Variants in MUCL3 observed in about 807,000 individuals in gnomAD.
The protein encoded by MUCL3 is mucin like 3, also known as mucin-like protein 3.
In MUCL3, 42 loss-of-function variants were observed where a neutral mutation model predicts 70.2. The ratio of observed to expected loss-of-function variants is 0.60; its 90% CI spans 0.47 to 0.77. The LOEUF is 0.77. Ranked by LOEUF, MUCL3 falls within the 30% of genes least tolerant of loss-of-function variation. MUCL3 has a pLI of 0.00. For synonymous variants in MUCL3, 522 were observed against 647.0 expected, an observed-to-expected ratio of 0.81 and a Z score of 2.93; for missense variants, 1,429 against 1,670.0, an observed-to-expected ratio of 0.86 and a Z score of 2.52.
chr6:30,944,486 T>A (rs902836722), intron 1 of MUCL3, among the ~76,000 whole-genome samples: 12 of 152,360 alleles, frequency 7.9e-5, no homozygotes, highest in South Asian at 6.2e-4. Context: ...TTCGCCATGT[T>A]GGCCAGGCTG....
chr6:30,951,292 C>T lies in MUCL3; in HGVS notation c.2828C>T (p.Thr943Ile). The T allele has an allele frequency of 6.4e-7, 1 of 1,550,892 alleles. No homozygotes were observed. The highest frequency in any genetic ancestry group is 1.2e-5 in the South Asian group (1 of 83,986). Residue 943 changes from threonine (T) to isoleucine (I), a missense_variant, in exon 2 of 3, where the codon ACA becomes ATA. Coordinates refer to ENST00000462446, the MANE Select transcript of MUCL3 (RefSeq NM_080870.4). ...ACCACACCATCCCGAGCAGAGCCTA[C>T]AGAACATGGAGAAAGGATAGCCAAT... ...EITTPSRAEP[T>I]EHGERIANEK...
intron 1 of MUCL3, among the ~76,000 whole-genome samples, chr6:30,942,516 G>A (rs1247187676): frequency 6.6e-6 from 1 of 152,206 alleles, no homozygotes; most frequent in East Asian, 1.9e-4. Flanking sequence ...GGTGGAGGCA[G>A]GGGCAGGTGG....
intron 1 of MUCL3, among the ~76,000 whole-genome samples, chr6:30,946,721 C>G (rs916667620): frequency 3.3e-5 from 5 of 152,296 alleles, no homozygotes; most frequent in African/African-American, 1.2e-4. Context: ...GACCTATTGG[C>G]TGTGCACTGT....
rs369773600 is a variant in MUCL3, at chr6:30,949,224, A to G, written c.760A>G (p.Thr254Ala). 1.2e-4 allele frequency: 191 copies of G among 1,550,878 alleles called. No individual in the cohort carries two copies. The African/African-American group carries it at 2.0e-3, about 16-fold the overall frequency. Residue 254 changes from threonine to alanine, a missense_variant, in exon 2 of 3, where the codon ACA becomes GCA. Coordinates refer to ENST00000462446, the MANE Select transcript of MUCL3 (RefSeq NM_080870.4). ...GTCAGAAAAAACTGAAGATTCCAGA[A>G]CAACAGTTGCCTCAGACAAGCTCCT... ...EESEKTEDSRTTVASDKLLTK... is the reference protein window; with the variant it reads ...EESEKTEDSRATVASDKLLTK...
In MUCL3 at chr6:30,950,705, A is replaced by C; in HGVS notation, c.2241A>C (p.Thr747=). 6.5e-7 allele frequency: 1 copy of C among 1,550,374 alleles called. No individual in the cohort carries two copies. The highest frequency in any genetic ancestry group is 1.2e-5 in the South Asian group (1 of 83,952). ...AGCCTACAGAAAATAGAGAAAGGAC[A>C]GCCAATGAGAACACCACACCATCCC... is the stretch of plus-strand genomic sequence containing the variant. ...PAEPTENRER[T]ANENTTPSPA... The change falls in exon 2 of 3, where the codon ACA becomes ACC. Residue 747 remains threonine (T), a synonymous_variant. Transcript: ENST00000462446.
At chr6:30,946,900 C>A (rs1456604420) in intron 1 of MUCL3, among the ~76,000 whole-genome samples, 1 of 152,178 alleles carries the variant, frequency 6.6e-6, no homozygotes, top group Non-Finnish European at 1.5e-5. Context: ...TCAACAGGTT[C>A]TTGTGAAAAG....
chr6:30,944,483 T>C (rs1055283455), intron 1 of MUCL3, among the ~76,000 whole-genome samples: 1 of 152,228 alleles, frequency 6.6e-6, no homozygotes, highest in African/African-American at 2.4e-5. Flanking sequence ...GGTTTCGCCA[T>C]GTTGGCCAGG....
At chr6:30,946,030 T>C (rs1287513568) in intron 1 of MUCL3, 1 of 152,222 alleles carries the variant, frequency 6.6e-6, no homozygotes, top group Non-Finnish European at 1.5e-5. Context: ...AAGTGATGAG[T>C]GCTGTGTTAT....
At chr6:30,941,810 C>T (rs1795591322) in intron 1 of MUCL3, among the ~76,000 whole-genome samples, 1 of 152,076 alleles carries the variant, frequency 6.6e-6, no homozygotes, top group South Asian at 2.1e-4. Context: ...AATAATATCC[C>T]ATCTTATAGT....
chr6:30,946,297 G>A lies in MUCL3; in HGVS notation c.83-2250G>A, dbSNP rs149211229. 5 of 152,304 alleles carry A rather than the reference G, an allele frequency of 3.3e-5. No individual in the cohort carries two copies. The East Asian group carries it at 7.7e-4, about 24-fold the overall frequency. 9.4% of individuals were successfully genotyped at this position (152,304 alleles called of 1,614,324 possible). A position where few individuals can be genotyped will look rare whatever the true frequency, so the allele number is the denominator to read the frequency against. On this transcript the variant is annotated intron_variant, in intron 1 of 2. Coordinates refer to ENST00000462446, the MANE Select transcript of MUCL3 (RefSeq NM_080870.4). ...CTTCCTTTAATCCTCACATTAAGCT[G>A]GTGCAGTCAGCATCATGGTTATTTA...
Position 30,947,424 on chromosome 6 carries a change from A to C in MUCL3, c.83-1123A>C, listed in dbSNP as rs543125782. On this transcript the variant is annotated intron_variant, in intron 1 of 2. Transcript: ENST00000462446. ...GGACTGTGGTTTCTTGTGATTGGGA[A>C]TAGGTCCAGGTTCCGGTTGCCGCCT... is the stretch of plus-strand genomic sequence containing the variant. Among the ~76,000 whole-genome samples the C allele has an allele frequency of 4.6e-5, 7 of 152,228 alleles. No homozygotes were observed. In the South Asian group the frequency reaches 1.0e-3, roughly 23 times the overall value.
At chr6:30,944,502 G>A (rs949465628) in intron 1 of MUCL3, among the ~76,000 whole-genome samples, 3 of 152,152 alleles carry the variant, frequency 2.0e-5, no homozygotes, top group Non-Finnish European at 2.9e-5. Context: ...GGCTGGTCTC[G>A]AACTCCTGAC....
Position 30,949,999 on chromosome 6 carries a change from C to A in MUCL3, c.1535C>A (p.Thr512Asn). The A allele has an allele frequency of 6.5e-7, 1 of 1,548,788 alleles. No homozygotes were observed. Among genetic ancestry groups the A allele is most frequent in the Non-Finnish European group, 8.7e-7 (1 of 1,146,504 alleles). ...GQRTPFANEK[T>N]TSSSAEPTEH... ...AGGACCCCATTTGCCAATGAGAAAA[C>A]CACATCATCCTCAGCAGAGCCTACA... The change falls in exon 2 of 3, where the codon ACC becomes AAC. Residue 512 changes from threonine to asparagine, a missense_variant. By Grantham distance (65) the Thr-to-Asn change is moderately conservative. Transcript: ENST00000462446.
In MUCL3 at chr6:30,951,226, C is replaced by A. The variant is rs1415282328; in HGVS notation, c.2762C>A (p.Pro921His). 2 of 1,552,006 alleles carry A rather than the reference C, an allele frequency of 1.3e-6. No individual in the cohort carries two copies. The highest frequency in any genetic ancestry group is 1.7e-6 in the Non-Finnish European group (2 of 1,147,060). Reference sequence around the variant, plus strand: ...AAGACCACACCATCCTCAGCAGAGCCTACAGAACATGGAGAAAGGACCCCA... The same window carrying A: ...AAGACCACACCATCCTCAGCAGAGCATACAGAACATGGAGAAAGGACCCCA... ...NEKTTPSSAE[P>H]TEHGERTPLA... The change falls in exon 2 of 3, where the codon CCT becomes CAT. Residue 921 changes from proline (P) to histidine (H), a missense_variant. By Grantham distance (77) the Pro-to-His change is moderately conservative (BLOSUM62 -2). Coordinates refer to ENST00000462446, the MANE Select transcript of MUCL3 (RefSeq NM_080870.4).
intron 1 of MUCL3, among the ~76,000 whole-genome samples, chr6:30,944,763 C>T (rs970699046): frequency 1.3e-5 from 2 of 152,308 alleles, no homozygotes; most frequent in East Asian, 3.9e-4. Flanking sequence ...CAAAACAGTT[C>T]TTTTCGGGCT....
At chr6:30,943,379 T>G (rs139940223) in intron 1 of MUCL3, among the ~76,000 whole-genome samples, 10 of 152,128 alleles carry the variant, frequency 6.6e-5, no homozygotes, top group East Asian at 1.9e-4. Context: ...GATTAAAGCA[T>G]CTGAGGGAGC....
At position 30,952,149 on chromosome 6, in the gene MUCL3, A is replaced by T. The variant is rs1760741430; in HGVS notation, c.3685A>T (p.Thr1229Ser). The T allele has an allele frequency of 3.1e-6, 5 of 1,614,058 alleles. No individual in the cohort carries two copies. The East Asian group carries it at 1.1e-4, about 36-fold the overall frequency. Residue 1229 changes from threonine to serine, a missense_variant, in exon 2 of 3, where the codon ACA becomes TCA. Thr to Ser is a moderately conservative substitution (Grantham distance 58). Coordinates refer to ENST00000462446, the MANE Select transcript of MUCL3 (RefSeq NM_080870.4). ...TETIKAPVKS[T>S]ENPEKTAAVT... ...GACCATAAAAGCCCCAGTAAAGTCCACAGAAAACCCAGAAAAAACAGCAGC... is the reference window on the plus strand; with the variant it reads ...GACCATAAAAGCCCCAGTAAAGTCCTCAGAAAACCCAGAAAAAACAGCAGC...
chr6:30,950,201 G>A lies in MUCL3; in HGVS notation c.1737G>A (p.Glu579=). 1.3e-6 allele frequency: 2 copies of A among 1,547,560 alleles called. No homozygotes were observed. The highest frequency in any genetic ancestry group is 4.9e-5 in the East Asian group (2 of 40,718). Residue 579 remains glutamate (E), a synonymous_variant, in exon 2 of 3, where the codon GAG becomes GAA. Transcript: ENST00000462446. ...AGAAGACCACGCCATCTCTAGCAGA[G>A]CCTACAGAAAATGGACAAAGGACCC... ...ANEKTTPSLA[E]PTENGQRTPF... is the part of the protein sequence containing the mutation.
In MUCL3 at chr6:30,951,826, C is replaced by T; in HGVS notation, c.3362C>T (p.Ser1121Phe). ...TCACCCAATGACAAGATCACCTCAT[C>T]TGCAGCAGAGTCTACAGAACATAGA... ...TTSPNDKITSSAAESTEHRDR... is the reference protein window; with the variant it reads ...TTSPNDKITSFAAESTEHRDR... Residue 1121 changes from serine to phenylalanine, a missense_variant, in exon 2 of 3, where the codon TCT (serine) becomes TTT (phenylalanine). Ser to Phe is a radical substitution (Grantham distance 155). Transcript: ENST00000462446. The T allele has an allele frequency of 6.3e-7, 1 of 1,581,544 alleles. No homozygotes were observed. The highest frequency in any genetic ancestry group is 8.6e-7 in the Non-Finnish European group (1 of 1,164,924).
Sources: allele counts gnomAD v4.1 joint callset (sites outside exome capture counted in the v4.1 genomes callset), GRCh38; gene constraint gnomAD v4.1.1; transcripts MANE v1.5; gene names NCBI Gene and HGNC (gene_info 2026-07-23, HGNC 2026-07-21).